The following NLK variants were observed in gnomAD, a reference collection of about 807,000 sequenced individuals.
NLK encodes the protein nemo like kinase, also known as serine/threonine-protein kinase NLK.
In NLK, 11 loss-of-function variants were observed where a neutral mutation model predicts 59.0. The observed-to-expected ratio is 0.19, with a 90% CI of 0.12 to 0.31. NLK has a LOEUF of 0.31. Ranked by LOEUF, NLK falls within the 10% of genes least tolerant of loss-of-function variation. The pLI is 1.00. For missense variants in NLK, 410 were observed against 661.1 expected (o/e 0.62, Z 4.16); for synonymous variants, 235 against 235.9 (o/e 1.00, Z 0.03).
At chr17:28,199,833 A>G (rs1257503417), downstream of NLK, among the ~76,000 whole-genome samples, 4 of 152,114 alleles carry the variant, frequency 2.6e-5, no homozygotes, top group Non-Finnish European at 5.9e-5. Context: ...CAAGGAGCCT[A>G]TGGTTCATGG....
At chr17:28,194,343 A>T (rs184052245) in intron 10 of NLK, among the ~76,000 whole-genome samples, 1 of 152,354 alleles carries the variant, frequency 6.6e-6, no homozygotes, top group Admixed American at 6.5e-5. Context: ...GGGCCATACA[A>T]CTAGTAAATG....
chr17:28,191,696 TACTG>T (rs1909312755), intron 9 of NLK, among the ~76,000 whole-genome samples: 2 of 152,182 alleles, frequency 1.3e-5, no homozygotes, highest in African/African-American at 2.4e-5. Flanking sequence ...TTTTAGTGTC[TACTG>T]TAGGACATTT....
intron 1 of NLK, among the ~76,000 whole-genome samples, chr17:28,106,719 A>G (rs771752419): frequency 6.6e-6 from 1 of 152,234 alleles, no homozygotes; most frequent in Non-Finnish European, 1.5e-5. Context: ...TTGGAAATGA[A>G]TAAGAAAACA....
intron 1 of NLK, among the ~76,000 whole-genome samples, chr17:28,120,078 T>C (rs1905959809): frequency 6.6e-6 from 1 of 152,214 alleles, no homozygotes; most frequent in Admixed American, 6.5e-5. Flanking sequence ...TCGTATTTCA[T>C]TGACATTTTT....
downstream of NLK, chr17:28,196,462 G>A (rs1438140110): frequency 6.6e-6 from 1 of 152,310 alleles, no homozygotes. Context: ...GCAAAGTTTT[G>A]AGACACTTCC....
chr17:28,144,270 T>G (rs1278142053), intron 3 of NLK, among the ~76,000 whole-genome samples: 1 of 152,114 alleles, frequency 6.6e-6, no homozygotes, highest in Non-Finnish European at 1.5e-5. Context: ...GAGATTGTTT[T>G]AAAGCACTGT....
At chr17:28,141,969 G>A (rs750335481) in intron 3 of NLK, among the ~76,000 whole-genome samples, 4 of 152,154 alleles carry the variant, frequency 2.6e-5, no homozygotes, top group African/African-American at 2.4e-5. Context: ...GGGTTATGAC[G>A]GTGGAAGATT....
intron 8 of NLK, among the ~76,000 whole-genome samples, chr17:28,186,742 C>A (rs565702108): frequency 2.0e-5 from 3 of 152,256 alleles, no homozygotes; most frequent in African/African-American, 7.2e-5. Flanking sequence ...AGACCTGCCC[C>A]CATCATTCAG....
At chr17:28,189,332 G>A (rs147135627) in intron 8 of NLK, among the ~76,000 whole-genome samples, 6 of 152,140 alleles carry the variant, frequency 3.9e-5, no homozygotes, top group Non-Finnish European at 7.3e-5. Context: ...TGCCTATTCT[G>A]TGCTCTTTGG....
At chr17:28,162,587 A>G (rs1224593566) in intron 4 of NLK, among the ~76,000 whole-genome samples, 2 of 152,154 alleles carry the variant, frequency 1.3e-5, no homozygotes, top group Non-Finnish European at 2.9e-5. Flanking sequence ...CAGGGAGCCA[A>G]GATCGCGTCA....
At chr17:28,115,223 A>C (rs1018184141) in intron 1 of NLK, among the ~76,000 whole-genome samples, 1 of 152,206 alleles carries the variant, frequency 6.6e-6, no homozygotes, top group Non-Finnish European at 1.5e-5. Flanking sequence ...TAGGAGGTGC[A>C]AGTCCCTTCT....
intron 6 of NLK, among the ~76,000 whole-genome samples, chr17:28,169,196 A>T (rs755000758): frequency 6.6e-6 from 1 of 152,202 alleles, no homozygotes; most frequent in Non-Finnish European, 1.5e-5. Context: ...AGTTGACTTT[A>T]TTATATGCAC....
At chr17:28,126,872 G>C (rs1306940516) in intron 2 of NLK, among the ~76,000 whole-genome samples, 3 of 152,144 alleles carry the variant, frequency 2.0e-5, no homozygotes, top group African/African-American at 7.2e-5. Flanking sequence ...CTATGCATTT[G>C]TGCTTGTATG....
chr17:28,083,143 A>G (rs865800882), intron 1 of NLK, among the ~76,000 whole-genome samples: 1 of 152,202 alleles, frequency 6.6e-6, no homozygotes, highest in African/African-American at 2.4e-5. Flanking sequence ...GCACCTGTGA[A>G]GCAGCTTGAT....
In NLK at chr17:28,084,787, C is replaced by G. The variant is rs1374248897; in HGVS notation, c.459-37816C>G. On this transcript the variant is annotated intron_variant, in intron 1 of 10. Transcript: ENST00000407008. The stretch of plus-strand genomic sequence containing the variant: ...CCACGTTGGCCAGGCTGGTCTTGAA[C>G]TCCTAACCTCATGATCTGCCCGCTT... Among the ~76,000 whole-genome samples the G allele has an allele frequency of 3.3e-5, 5 of 152,208 alleles. No homozygotes were observed. In the East Asian group the frequency reaches 9.6e-4, roughly 29 times the overall value.
At chr17:28,123,826 G>A (rs1057279387) in intron 2 of NLK, among the ~76,000 whole-genome samples, 2 of 152,044 alleles carry the variant, frequency 1.3e-5, no homozygotes, top group African/African-American at 2.4e-5. Context: ...CCTGGAGGTC[G>A]CCAGCATTAG....
At chr17:28,095,510 C>T (rs546398870) in intron 1 of NLK, among the ~76,000 whole-genome samples, 1 of 152,318 alleles carries the variant, frequency 6.6e-6, no homozygotes, top group African/African-American at 2.4e-5. Flanking sequence ...ATCCAAGTCT[C>T]ACTTCTAGAG....
intron 7 of NLK, among the ~76,000 whole-genome samples, chr17:28,172,984 C>T (rs924351401): frequency 1.3e-5 from 2 of 152,084 alleles, no homozygotes; most frequent in African/African-American, 4.8e-5. Context: ...CAAAATACCT[C>T]GTATTTCTTA....
At chr17:28,201,507 G>A in the NLK span, among the ~76,000 whole-genome samples, 8 of 149,684 alleles carry the variant, frequency 5.3e-5, 1 homozygote, top group South Asian at 6.4e-4. Flanking sequence ...TTGCATCACC[G>A]CACTTCAGCC....
Sources: gnomAD v4.1 joint callset for allele counts (sites outside exome capture counted in the v4.1 genomes callset) on GRCh38, gnomAD v4.1.1 for gene constraint, MANE v1.5 for transcripts, NCBI Gene and HGNC (gene_info 2026-07-23, HGNC 2026-07-21) for gene names.